SYTL5: variants seen among roughly 807,000 people sequenced by gnomAD.
SYTL5 encodes the protein synaptotagmin like 5.
SYTL5 carries 34 observed loss-of-function variants against 55.9 expected under a neutral mutation model. That is an observed-to-expected ratio of 0.61 (90% CI 0.46 to 0.81). The LOEUF (loss-of-function observed/expected upper bound fraction) is 0.81, where lower values mean the gene tolerates loss of function less well. SYTL5 is among the 30% of genes least tolerant of loss of function. SYTL5 has a pLI of 0.00. For missense variants in SYTL5, 637 were observed against 546.7 expected, an observed-to-expected ratio of 1.17 and a Z score of -1.65; for synonymous variants, 221 against 188.7, an observed-to-expected ratio of 1.17 and a Z score of -1.40.
intron 6 of SYTL5, among the ~76,000 whole-genome samples, chrX:38,086,298 A>C (rs1936660028): frequency 9.0e-6 from 1 of 111,715 alleles, no homozygotes; most frequent in Admixed American, 9.5e-5. Context: ...TGCATCTGCC[A>C]CACAGGGTCA....
chrX:38,006,656 C>A lies in SYTL5; in HGVS notation c.-369C>A, dbSNP rs1015082591. The A allele has an allele frequency of 1.8e-5, 2 of 111,429 alleles. No individual in the cohort carries two copies. Among genetic ancestry groups the A allele is most frequent in the African/African-American group, 3.3e-5 (1 of 30,704 alleles). 9.2% of individuals were successfully genotyped at this position (111,429 alleles called of 1,213,427 possible). On this transcript the variant is annotated 5_prime_UTR_variant, in exon 1 of 17. Coordinates refer to ENST00000297875, the MANE Select transcript of SYTL5 (RefSeq NM_138780.3). ...AAATAAGCCCATAAAAACATTCTAA[C>A]CTTCAGATTAAGGTAAGACTAATGC... is the stretch of plus-strand genomic sequence containing the variant.
intron 1 of SYTL5, among the ~76,000 whole-genome samples, chrX:38,008,018 C>T (rs1394115547): frequency 9.0e-6 from 1 of 111,223 alleles, no homozygotes; most frequent in Non-Finnish European, 1.9e-5. Context: ...TACCTCTTTT[C>T]TTTTGGAGGC....
intron 7 of SYTL5, among the ~76,000 whole-genome samples, chrX:38,091,960 A>C (rs1433975031): frequency 1.8e-5 from 2 of 111,844 alleles, no homozygotes; most frequent in Admixed American, 1.9e-4. Flanking sequence ...CATTCTTGCA[A>C]TCTAGCTGGT....
chrX:38,039,113 G>T (rs1442395954), intron 2 of SYTL5, among the ~76,000 whole-genome samples: 1 of 111,520 alleles, frequency 9.0e-6, no homozygotes, highest in East Asian at 2.8e-4. Context: ...TGGGGAATAG[G>T]CATCTGTCTA....
At chrX:38,115,415 C>T (rs1228318634) in intron 13 of SYTL5, among the ~76,000 whole-genome samples, 3 of 81,019 alleles carry the variant, frequency 3.7e-5, no homozygotes, top group African/African-American at 1.0e-4. Flanking sequence ...ACCCGGGAGG[C>T]GGAGCTTGCA....
At chrX:37,974,327 C>A in the SYTL5 span, among the ~76,000 whole-genome samples, 2 of 111,870 alleles carry the variant, frequency 1.8e-5, no homozygotes, top group Non-Finnish European at 3.8e-5. Context: ...TGAATAAAGC[C>A]AGTCAAGAAA....
chrX:37,965,039 A>T, the SYTL5 span, among the ~76,000 whole-genome samples: 1 of 110,362 alleles, frequency 9.1e-6, no homozygotes, highest in African/African-American at 3.3e-5. Context: ...TCTAAATTTC[A>T]TTTTTTTATT....
At chrX:38,119,180 T>TTG (rs767742519) in intron 13 of SYTL5, among the ~76,000 whole-genome samples, 30 of 108,583 alleles carry the variant, frequency 2.8e-4, no homozygotes, top group South Asian at 1.6e-3. Context: ...TGGTACTCAT[T>TTG]TGTGTGTGTG....
intron 8 of SYTL5, among the ~76,000 whole-genome samples, chrX:38,095,726 AAC>A (rs1936917480): frequency 2.7e-5 from 3 of 111,464 alleles, no homozygotes; most frequent in South Asian, 3.7e-4. Context: ...CAAATCTGAA[AAC>A]ACAGTGAATT....
At chrX:38,095,010 G>A (rs1260394544) in intron 8 of SYTL5, among the ~76,000 whole-genome samples, 1 of 111,673 alleles carries the variant, frequency 9.0e-6, no homozygotes, top group Non-Finnish European at 1.9e-5. Context: ...ATTCTTCGGA[G>A]AAATTTGTCA....
At chrX:37,918,862 AG>A in the SYTL5 span, among the ~76,000 whole-genome samples, 1 of 110,948 alleles carries the variant, frequency 9.0e-6, no homozygotes, top group African/African-American at 3.3e-5. Flanking sequence ...TTCTCATTCC[AG>A]TCATCCCGTG....
At chrX:38,075,521 G>A (rs1196614187) in intron 5 of SYTL5, among the ~76,000 whole-genome samples, 2 of 111,518 alleles carry the variant, frequency 1.8e-5, no homozygotes, top group Non-Finnish European at 3.8e-5. Flanking sequence ...GGAGATAAAT[G>A]GGGTTCAGGA....
At chrX:37,973,208 A>C in the SYTL5 span, among the ~76,000 whole-genome samples, 8 of 111,359 alleles carry the variant, frequency 7.2e-5, no homozygotes, top group African/African-American at 2.6e-4. Context: ...AAAGTAAGTC[A>C]CAATACATAG....
At chrX:37,961,973 G>A in the SYTL5 span, among the ~76,000 whole-genome samples, 1 of 111,513 alleles carries the variant, frequency 9.0e-6, no homozygotes, top group African/African-American at 3.3e-5. Flanking sequence ...TGCAGCAAAT[G>A]CCTCTGAAAT....
At chrX:37,996,787 A>T in the SYTL5 span, among the ~76,000 whole-genome samples, 2 of 111,751 alleles carry the variant, frequency 1.8e-5, no homozygotes, top group Non-Finnish European at 3.8e-5. Context: ...TACATGATGT[A>T]GCCTATGGGA....
chrX:38,117,529 A>G (rs928136236), intron 13 of SYTL5, among the ~76,000 whole-genome samples: 15 of 112,284 alleles, frequency 1.3e-4, no homozygotes, highest in African/African-American at 4.5e-4. Flanking sequence ...TGTATGCCAA[A>G]CTACCTTAAA....
the SYTL5 span, among the ~76,000 whole-genome samples, chrX:37,973,939 A>G: frequency 9.8e-5 from 11 of 111,911 alleles, no homozygotes; most frequent in Non-Finnish European, 1.9e-4. Context: ...GCTAAGTGAA[A>G]TAAGCCAAAA....
At chrX:37,909,118 C>T in the SYTL5 span, among the ~76,000 whole-genome samples, 1 of 105,908 alleles carries the variant, frequency 9.4e-6, no homozygotes, top group Admixed American at 1.0e-4. Context: ...CCCCCCTCCC[C>T]CACACACAGT....
the SYTL5 span, among the ~76,000 whole-genome samples, chrX:37,944,303 T>C: frequency 9.0e-6 from 1 of 111,143 alleles, no homozygotes; most frequent in Non-Finnish European, 1.9e-5. Context: ...TTTTTTTTTC[T>C]GGGAAAAGAG....
Sources: allele counts gnomAD v4.1 joint callset (sites outside exome capture counted in the v4.1 genomes callset), GRCh38; gene constraint gnomAD v4.1.1; transcripts MANE v1.5; gene names NCBI Gene and HGNC (gene_info 2026-07-23, HGNC 2026-07-21).